CPPED1: variants seen among roughly 807,000 people sequenced by gnomAD.
CPPED1 encodes the protein calcineurin like phosphoesterase domain containing 1.
A neutral mutation model predicts 28.0 loss-of-function variants in CPPED1; 28 were observed. The ratio of observed to expected loss-of-function variants is 1.00; its 90% CI spans 0.74 to 1.37. The LOEUF (loss-of-function observed/expected upper bound fraction) is 1.37, where lower values mean the gene tolerates loss of function less well. CPPED1 is among the 40% of genes most tolerant of loss of function. The pLI is 0.00. For missense variants in CPPED1, 504 were observed against 416.5 expected, an observed-to-expected ratio of 1.21 and a Z score of -1.83; for synonymous variants, 198 against 180.2, an observed-to-expected ratio of 1.10 and a Z score of -0.79.
In CPPED1 at chr16:12,676,152, G is replaced by T. The variant is rs962829867; in HGVS notation, c.716-11037C>A. Among the ~76,000 whole-genome samples, 5 of 152,290 alleles carry T rather than the reference G, an allele frequency of 3.3e-5. No individual in the cohort carries two copies. In the South Asian group the frequency reaches 1.0e-3, roughly 32 times the overall value. On this transcript the variant is annotated intron_variant, in intron 3 of 3. Transcript: ENST00000381774. ...TTCCCTGGTATATATCTTCCCCAGTGACCCAATGCCTGTGGCCCAGGACTG... is the reference window on the plus strand; with the variant it reads ...TTCCCTGGTATATATCTTCCCCAGTTACCCAATGCCTGTGGCCCAGGACTG...
At chr16:12,696,778 T>C (rs900867673) in intron 3 of CPPED1, among the ~76,000 whole-genome samples, 32 of 152,060 alleles carry the variant, frequency 2.1e-4, no homozygotes, top group Non-Finnish European at 1.3e-4. Flanking sequence ...TGACTCTCCT[T>C]AAGGGATACA....
At chr16:12,703,989 C>T (rs1032507241) in intron 3 of CPPED1, among the ~76,000 whole-genome samples, 2 of 152,162 alleles carry the variant, frequency 1.3e-5, no homozygotes, top group African/African-American at 4.8e-5. Context: ...GGACTAAATC[C>T]GTTACTCTCT....
At chr16:12,731,600 A>G (rs2080197932) in intron 2 of CPPED1, among the ~76,000 whole-genome samples, 1 of 151,924 alleles carries the variant, frequency 6.6e-6, no homozygotes, top group African/African-American at 2.4e-5. Context: ...CCAAAAAGAA[A>G]CAACCAAAAG....
intron 2 of CPPED1, among the ~76,000 whole-genome samples, chr16:12,724,194 C>A (rs2080157164): frequency 6.6e-6 from 1 of 152,176 alleles, no homozygotes; most frequent in Non-Finnish European, 1.5e-5. Flanking sequence ...GGATGGCAGA[C>A]AAGAAGAGGC....
rs900591471 is a variant in CPPED1, at chr16:12,709,004, C to T, written c.290-3955G>A. On this transcript the variant is annotated intron_variant, in intron 2 of 3. Transcript: ENST00000381774. The surrounding 1 kb of genome is among the most constrained non-coding windows in gnomAD (Gnocchi z 4.4). The stretch of plus-strand genomic sequence containing the variant: ...CTGAGACAGGAGAATTGCTTGAACC[C>T]GGGAGGCAGAGGTTGCAGTGAGCCA... Among the ~76,000 whole-genome samples, 6 of 152,168 alleles carry T rather than the reference C, an allele frequency of 3.9e-5. No individual in the cohort carries two copies. Among genetic ancestry groups the T allele is most frequent in the South Asian group, 2.1e-4 (1 of 4,830 alleles).
intron 3 of CPPED1, among the ~76,000 whole-genome samples, chr16:12,702,623 C>T (rs918334938): frequency 2.0e-5 from 3 of 152,056 alleles, no homozygotes; most frequent in Non-Finnish European, 4.4e-5. Flanking sequence ...GGGAAAACCA[C>T]AGAACTACAT....
At chr16:12,690,537 C>G (rs1291420169) in intron 3 of CPPED1, among the ~76,000 whole-genome samples, 6 of 151,306 alleles carry the variant, frequency 4.0e-5, no homozygotes, top group Admixed American at 2.0e-4. Context: ...AAAAAAAAGG[C>G]CAGGTGTGGT....
At chr16:12,729,248 A>T (rs979393209) in intron 2 of CPPED1, among the ~76,000 whole-genome samples, 1 of 152,138 alleles carries the variant, frequency 6.6e-6, no homozygotes, top group Non-Finnish European at 1.5e-5. Flanking sequence ...AATAGTGAAG[A>T]TGGCTCCAAG....
intron 2 of CPPED1, among the ~76,000 whole-genome samples, chr16:12,711,928 AG>A (rs2080082258): frequency 6.6e-6 from 1 of 152,132 alleles, no homozygotes; most frequent in Non-Finnish European, 1.5e-5. Flanking sequence ...TACCCAGGGA[AG>A]AGACAGGGGA....
At chr16:12,712,187 G>C (rs1231922866) in intron 2 of CPPED1, among the ~76,000 whole-genome samples, 1 of 152,216 alleles carries the variant, frequency 6.6e-6, no homozygotes, top group East Asian at 1.9e-4. Context: ...CCCTTGCACA[G>C]AAAGGGAAGC....
At chr16:12,721,094 G>A (rs142712967) in intron 2 of CPPED1, among the ~76,000 whole-genome samples, 74 of 152,248 alleles carry the variant, frequency 4.9e-4, no homozygotes, top group African/African-American at 1.7e-3. Context: ...CAGGTGGAGT[G>A]ACTTCATTTC....
At chr16:12,781,159 G>C in intron 2 of CPPED1, 26 bp downstream of exon 2, 1 of 1,595,908 alleles carries the variant, frequency 6.3e-7, no homozygotes, top group East Asian at 2.3e-5. Flanking sequence ...AGGAGAAAAG[G>C]TCACAAGCGA....
At chr16:12,705,650 C>T (rs749568750) in intron 2 of CPPED1, among the ~76,000 whole-genome samples, 35 of 152,126 alleles carry the variant, frequency 2.3e-4, no homozygotes, top group Non-Finnish European at 4.7e-4. Context: ...CCCAGCTACT[C>T]GGCAGGGTGA....
chr16:12,723,276 C>A (rs2080151963), intron 2 of CPPED1, among the ~76,000 whole-genome samples: 1 of 152,186 alleles, frequency 6.6e-6, no homozygotes, highest in African/African-American at 2.4e-5. Flanking sequence ...TGGCTTACTG[C>A]AATCTGTGAA....
rs992322772 is a variant in CPPED1 at position 12,702,941 on chromosome 16, G to C, written c.715+1683C>G. Among the ~76,000 whole-genome samples, 5 of 150,048 alleles carry C rather than the reference G, an allele frequency of 3.3e-5. 1 individual carries two copies. The highest frequency in any genetic ancestry group is 2.0e-4 in the East Asian group (1 of 5,078). The stretch of plus-strand genomic sequence containing the variant: ...GCAGAAAAATTGCTTTAACCCAGGA[G>C]ACAGAGGTTGCAGTGAGCCGAGATG... On this transcript the variant is annotated intron_variant, in intron 3 of 3. Transcript: ENST00000381774.
chr16:12,695,465 C>T (rs745354964), intron 3 of CPPED1, among the ~76,000 whole-genome samples: 2 of 152,070 alleles, frequency 1.3e-5, no homozygotes, highest in Non-Finnish European at 2.9e-5. Context: ...AAGACAGAGT[C>T]TCACTATGTT....
intron 2 of CPPED1, among the ~76,000 whole-genome samples, chr16:12,780,594 G>A (rs2080524359): frequency 6.6e-6 from 1 of 152,100 alleles, no homozygotes. Flanking sequence ...GAACGTAAAT[G>A]AGGTCAACCC....
intron 2 of CPPED1, among the ~76,000 whole-genome samples, chr16:12,764,951 G>A (rs1248616513): frequency 6.6e-6 from 1 of 152,208 alleles, no homozygotes; most frequent in African/African-American, 2.4e-5. Flanking sequence ...TCACCTGCCA[G>A]CCTCAAGGTC....
chr16:12,724,021 T>C (rs574128968), intron 2 of CPPED1, among the ~76,000 whole-genome samples: 8 of 152,224 alleles, frequency 5.3e-5, no homozygotes, highest in African/African-American at 1.9e-4. Flanking sequence ...TCATGGTGCA[T>C]GGTTTCCTTT....
Sources: allele counts gnomAD v4.1 joint callset (sites outside exome capture counted in the v4.1 genomes callset), GRCh38; gene constraint gnomAD v4.1.1; non-coding constraint Gnocchi (gnomAD v3.1); transcripts MANE v1.5; gene names NCBI Gene and HGNC (gene_info 2026-07-23, HGNC 2026-07-21).